Variants in KARS1 observed in about 807,000 individuals in gnomAD.
KARS1 encodes lysine--tRNA ligase.
In KARS1, 50 loss-of-function variants were observed where a neutral mutation model predicts 63.9. The ratio of observed to expected loss-of-function variants is 0.78; its 90% CI spans 0.62 to 0.99. The LOEUF (loss-of-function observed/expected upper bound fraction) is 0.99, where lower values mean the gene tolerates loss of function less well. Among genes scored for constraint, KARS1 ranks in the 50% least tolerant of loss-of-function variants. The probability of loss-of-function intolerance (pLI) is 0.00; values close to 1 mark genes in which losing one functional copy is unlikely to be tolerated. For synonymous variants in KARS1, 320 were observed against 264.6 expected (o/e 1.21, Z -2.03); for missense variants, 816 against 754.5 (o/e 1.08, Z -0.95).
intron 3 of KARS1, 85 bp downstream of exon 3, chr16:75,640,099 A>T (rs1456466621): frequency 8.5e-7 from 1 of 1,177,912 alleles, no homozygotes; most frequent in Non-Finnish European, 1.3e-6. Context: ...TGAGAACAAG[A>T]CCAACCCAGA....
chr16:75,630,056 G>C (rs2082094623), intron 11 of KARS1, among the ~76,000 whole-genome samples: 1 of 152,004 alleles, frequency 6.6e-6, no homozygotes, highest in African/African-American at 2.4e-5. Flanking sequence ...CTCTGCGCTG[G>C]CAACATGTCT....
At chr16:75,632,822 A>C (rs2082126957) in intron 7 of KARS1, among the ~76,000 whole-genome samples, 1 of 152,188 alleles carries the variant, frequency 6.6e-6, no homozygotes, top group African/African-American at 2.4e-5. Context: ...AATATTGGGG[A>C]AAGTTATAAG....
In KARS1 at chr16:75,631,664, C is replaced by T. The variant is rs751139805; in HGVS notation, c.1078+29G>A. ...CTCTGAAAGCAGCATACCAACCACCCGATGAGTATGAGAGAGAGCAGGAGT... is the reference window on the plus strand; with the variant it reads ...CTCTGAAAGCAGCATACCAACCACCTGATGAGTATGAGAGAGAGCAGGAGT... On this transcript the variant is annotated intron_variant, in intron 8 of 13. Coordinates refer to ENST00000302445, the MANE Select transcript of KARS1 (RefSeq NM_005548.3). 3.0e-5 allele frequency: 48 copies of T among 1,613,770 alleles called. No homozygotes were observed. Among genetic ancestry groups the T allele is most frequent in the African/African-American group, 9.3e-5 (7 of 74,896 alleles).
Position 75,630,291 on chromosome 16 carries a change from G to T in KARS1, c.1424+132C>A, listed in dbSNP as rs529675239. 40 of 674,090 alleles carry T rather than the reference G, an allele frequency of 5.9e-5. No homozygotes were observed. In the East Asian group the frequency reaches 1.1e-3, roughly 18 times the overall value. The allele number at this position is 674,090 out of a possible 1,614,324, so 41.8% of individuals were successfully genotyped here. A position where few individuals can be genotyped will look rare whatever the true frequency, so the allele number is the denominator to read the frequency against. On this transcript the variant is annotated intron_variant, in intron 11 of 13. Coordinates refer to ENST00000302445, the MANE Select transcript of KARS1 (RefSeq NM_005548.3). ...TGGCAGAATCCCCAGTTGAAAAAAA[G>T]CCACTTGGGTTACCCTGGTCAACAC...
chr16:75,631,712 G>A lies in KARS1; in HGVS notation c.1059C>T (p.Ile353=). Reference sequence around the variant, plus strand: ...AGTCACCTGAAACCATCTTCTCCGTGATTTCCATGAGATCGTGATAGTCTG... The same window carrying A: ...AGTCACCTGAAACCATCTTCTCCGTAATTTCCATGAGATCGTGATAGTCTG... The part of the protein sequence containing the change: ...AYADYHDLME[I]TEKMVSGMVK... The change falls in exon 8 of 14, where the codon ATC becomes ATT. Residue 353 remains isoleucine (I), a synonymous_variant. Transcript: ENST00000302445. The A allele has an allele frequency of 1.2e-6, 2 of 1,614,186 alleles. No homozygotes were observed. Among genetic ancestry groups the A allele is most frequent in the Non-Finnish European group, 1.7e-6 (2 of 1,180,026 alleles).
intron 1 of KARS1, among the ~76,000 whole-genome samples, chr16:75,643,175 G>A (rs898100289): frequency 3.3e-5 from 5 of 152,134 alleles, no homozygotes; most frequent in Non-Finnish European, 7.3e-5. Flanking sequence ...GATTGGTGTA[G>A]GGAGGGATAT....
intron 9 of KARS1, 77 bp from the exon 10 acceptor site, chr16:75,631,330 G>T (rs201255570): frequency 1.5e-6 from 2 of 1,320,008 alleles, no homozygotes; most frequent in African/African-American, 1.4e-5. Context: ...AGAATAGTGT[G>T]GGAAATTCTA....
intron 7 of KARS1, among the ~76,000 whole-genome samples, chr16:75,633,383 A>G (rs2082132067): frequency 6.6e-6 from 1 of 152,176 alleles, no homozygotes. Flanking sequence ...TCACCTATAG[A>G]GCTGAATAAA....
At chr16:75,638,569 T>C (rs527440327) in intron 3 of KARS1, among the ~76,000 whole-genome samples, 2 of 152,162 alleles carry the variant, frequency 1.3e-5, no homozygotes, top group East Asian at 1.9e-4. Context: ...GAACACAAAT[T>C]AGAACTAGAA....
At chr16:75,646,665 G>A (rs996363598) in intron 1 of KARS1, among the ~76,000 whole-genome samples, 2 of 151,570 alleles carry the variant, frequency 1.3e-5, no homozygotes, top group Non-Finnish European at 2.9e-5. Context: ...GGCAGTCCCT[G>A]AAGGACCACT....
At chr16:75,647,478 A>C (rs2082301425) in intron 1 of KARS1, 100 bp downstream of exon 1, 12 of 1,123,398 alleles carry the variant, frequency 1.1e-5, no homozygotes, top group Non-Finnish European at 1.6e-5. Context: ...GAGAGCCGGC[A>C]AGAAGGCCCC....
chr16:75,634,059 T>C, intron 7 of KARS1, 114 bp downstream of exon 7: 2 of 1,181,630 alleles, frequency 1.7e-6, no homozygotes, highest in Admixed American at 1.7e-5. Context: ...ATCAGAACAC[T>C]TTCTTGGCTG....
At chr16:75,639,862 T>C (rs1348627651) in intron 3 of KARS1, 1 of 309,250 alleles carries the variant, frequency 3.2e-6, no homozygotes, top group Non-Finnish European at 6.0e-6. Flanking sequence ...GTTCTAGAAA[T>C]ACTGTCTCAG....
intron 12 of KARS1, among the ~76,000 whole-genome samples, 175 bp downstream of exon 12, chr16:75,629,240 A>G (rs1567497739): frequency 6.6e-6 from 1 of 152,212 alleles, no homozygotes; most frequent in Non-Finnish European, 1.5e-5. Flanking sequence ...CTTATGTACG[A>G]CAGACTCAAT....
At chr16:75,645,519 TG>T (rs1206644382) in intron 1 of KARS1, among the ~76,000 whole-genome samples, 2 of 152,250 alleles carry the variant, frequency 1.3e-5, no homozygotes, top group East Asian at 3.9e-4. Context: ...ACAGAAAAGC[TG>T]GTCAAAAAAG....
At chr16:75,644,492 G>A in intron 1 of KARS1, 1 of 1,519,772 alleles carries the variant, frequency 6.6e-7, no homozygotes, top group South Asian at 1.3e-5. Flanking sequence ...TGTGGTGTCA[G>A]ATGGGACAGA....
intron 1 of KARS1, among the ~76,000 whole-genome samples, chr16:75,645,427 G>A (rs975457197): frequency 9.2e-5 from 14 of 152,164 alleles, no homozygotes; most frequent in Non-Finnish European, 1.9e-4. Flanking sequence ...TTATTAATTT[G>A]AAAAATGGAC....
intron 1 of KARS1, among the ~76,000 whole-genome samples, chr16:75,642,219 T>TTA (rs1567504472): frequency 1.8e-5 from 2 of 110,114 alleles, no homozygotes; most frequent in Admixed American, 9.3e-5. Context: ...TTTTTTTTTT[T>TTA]ATGAGACAGA....
In KARS1 at chr16:75,630,575, CAGA is replaced by C; in HGVS notation, c.1339-70_1339-68del. The C allele has an allele frequency of 9.9e-6, 9 of 908,410 alleles. 1 individual carries two copies. In the South Asian group the frequency reaches 1.2e-4, roughly 12 times the overall value. The allele number at this position is 908,410 out of a possible 1,614,324, so 56.3% of individuals were successfully genotyped here. A position where few individuals can be genotyped will look rare whatever the true frequency, so the allele number is the denominator to read the frequency against. ...TAGTATTTGATCGTCCCAGCCCAGA[CAGA>C]AGATCTCAGCTCCCATCCAGATGGG... On this transcript the variant is annotated intron_variant, in intron 10 of 13. Transcript: ENST00000302445.
Sources: gnomAD v4.1 joint callset for allele counts (sites outside exome capture counted in the v4.1 genomes callset) on GRCh38, gnomAD v4.1.1 for gene constraint, MANE v1.5 for transcripts, NCBI Gene and HGNC (gene_info 2026-07-23, HGNC 2026-07-21) for gene names.